RECK: variants seen among roughly 807,000 people sequenced by gnomAD.
RECK encodes the protein reversion inducing cysteine rich protein with kazal motifs.
In RECK, 69 loss-of-function variants were observed where a neutral mutation model predicts 115.1. That is an observed-to-expected ratio of 0.60 (90% CI 0.49 to 0.73). The LOEUF is 0.73. RECK is among the 30% of genes least tolerant of loss of function. RECK has a pLI of 0.00. For missense variants in RECK, 1,047 were observed against 1,203.7 expected, an observed-to-expected ratio of 0.87 and a Z score of 1.93; for synonymous variants, 414 against 419.7, an observed-to-expected ratio of 0.99 and a Z score of 0.17.
At chr9:36,110,935 G>T (rs1439788776) in intron 15 of RECK, among the ~76,000 whole-genome samples, 1 of 152,060 alleles carries the variant, frequency 6.6e-6, no homozygotes, top group Non-Finnish European at 1.5e-5. Flanking sequence ...GTAGAGGTAG[G>T]ACGAACACTA....
chr9:36,104,380 C>G (rs1278372144), intron 12 of RECK, among the ~76,000 whole-genome samples: 2 of 82,938 alleles, frequency 2.4e-5, no homozygotes, highest in African/African-American at 4.5e-5. Context: ...GAATCTTACT[C>G]TGTTGCCCAG....
intron 7 of RECK, among the ~76,000 whole-genome samples, chr9:36,082,001 A>G (rs1453857561): frequency 6.6e-6 from 1 of 152,012 alleles, no homozygotes; most frequent in African/African-American, 2.4e-5. Flanking sequence ...GTCCTAGTTC[A>G]GTTTCTTTGG....
intron 9 of RECK, 108 bp from the exon 10 acceptor site, chr9:36,091,056 T>TC (rs1299426408): frequency 2.6e-5 from 24 of 932,142 alleles, no homozygotes; most frequent in Non-Finnish European, 3.6e-5. Context: ...TTACTTTTTT[T>TC]CTCACATACG....
chr9:36,088,723 T>G (rs1356865646), intron 9 of RECK, among the ~76,000 whole-genome samples: 2 of 152,218 alleles, frequency 1.3e-5, no homozygotes, highest in Admixed American at 1.3e-4. Flanking sequence ...GGCAAATTTT[T>G]TAAAAGACAT....
chr9:36,112,535 C>T (rs533610946), intron 16 of RECK, 59 bp downstream of exon 16: 2 of 1,519,562 alleles, frequency 1.3e-6, no homozygotes, highest in Admixed American at 1.7e-5. Flanking sequence ...AAAGCATCTA[C>T]CATATACCAG....
chr9:36,121,752 G>A, intron 20 of RECK, 64 bp downstream of exon 20: 1 of 1,549,906 alleles, frequency 6.5e-7, no homozygotes, highest in Non-Finnish European at 8.8e-7. Context: ...CTAGGAGGGA[G>A]TGGGCACAAA....
intron 15 of RECK, among the ~76,000 whole-genome samples, chr9:36,110,631 G>C (rs1824004488): frequency 6.6e-6 from 1 of 152,178 alleles, no homozygotes; most frequent in Admixed American, 6.5e-5. Context: ...ATTGCCAATA[G>C]CAACAGCACA....
At chr9:36,119,488 A>T (rs915389360) in intron 18 of RECK, among the ~76,000 whole-genome samples, 4 of 152,196 alleles carry the variant, frequency 2.6e-5, no homozygotes, top group African/African-American at 7.2e-5. Context: ...ACAGTTTTTT[A>T]AAACAGCTTA....
chr9:36,070,581 G>C lies in RECK; in HGVS notation c.405+4957G>C, dbSNP rs113635412. 6.1e-4 allele frequency among the ~76,000 whole-genome samples: 92 copies of C among 151,900 alleles called. 1 individual carries two copies. The highest frequency in any genetic ancestry group is 2.0e-3 in the African/African-American group (84 of 41,456). Reference sequence around the variant, plus strand: ...ACTAGAAAAGAAGGAGCCAGATACTGATCTGAAATTGATCAAAATGGAATG... The same window carrying C: ...ACTAGAAAAGAAGGAGCCAGATACTCATCTGAAATTGATCAAAATGGAATG... On this transcript the variant is annotated intron_variant, in intron 6 of 20. Coordinates refer to ENST00000377966, the MANE Select transcript of RECK (RefSeq NM_021111.3).
chr9:36,064,012 TG>T (rs1821891163), intron 5 of RECK, 132 bp downstream of exon 5: 1 of 716,866 alleles, frequency 1.4e-6, no homozygotes, highest in Non-Finnish European at 2.4e-6. Flanking sequence ...TAGCATTTTT[TG>T]TATAGACCAT....
intron 6 of RECK, among the ~76,000 whole-genome samples, chr9:36,077,379 T>C (rs2132614761): frequency 1.3e-5 from 2 of 152,296 alleles, no homozygotes; most frequent in South Asian, 4.1e-4. Context: ...TCATTATGTG[T>C]ATGTCCTAAG....
chr9:36,038,830 A>G (rs1820766245), intron 1 of RECK, among the ~76,000 whole-genome samples: 1 of 152,102 alleles, frequency 6.6e-6, no homozygotes. Flanking sequence ...AAAAACAAGA[A>G]ACTTTTTTGC....
At position 36,117,336 on chromosome 9, in the gene RECK, C is replaced by G. The variant is rs115790850; in HGVS notation, c.2253+159C>G. Among the ~76,000 whole-genome samples the G allele has an allele frequency of 1.8e-3, 271 of 152,374 alleles. 1 individual carries two copies. The highest frequency in any genetic ancestry group is 6.0e-3 in the African/African-American group (251 of 41,592). On this transcript the variant is annotated intron_variant, in intron 17 of 20. Transcript: ENST00000377966. ...CACTAAAAAGGAAGACTGGCTCCTT[C>G]TCCTAACTCTGGAAGCTATCTTGCT... is the stretch of plus-strand genomic sequence containing the variant.
chr9:36,080,899 G>A (rs1052192870), intron 7 of RECK, among the ~76,000 whole-genome samples: 4 of 152,184 alleles, frequency 2.6e-5, no homozygotes, highest in African/African-American at 7.2e-5. Flanking sequence ...AGCACTTGCC[G>A]AGTGCTACGT....
At chr9:36,092,255 T>C (rs1430305169) in intron 10 of RECK, among the ~76,000 whole-genome samples, 1 of 152,120 alleles carries the variant, frequency 6.6e-6, no homozygotes, top group African/African-American at 2.4e-5. Context: ...AATTGTGGAG[T>C]AGCTTGTATG....
Position 36,109,949 on chromosome 9 carries a change from T to C in RECK, c.1766-8T>C, listed in dbSNP as rs766502521. The stretch of plus-strand genomic sequence containing the variant: ...TATAGATCAACATTTTCTTTCTGTT[T>C]CTGTCAGGTCATGGAACATCCTTTA... On this transcript the variant is annotated splice_region_variant and splice_polypyrimidine_tract_variant and intron_variant, in intron 14 of 20. Transcript: ENST00000377966. 72 of 1,605,796 alleles carry C rather than the reference T, an allele frequency of 4.5e-5. No individual in the cohort carries two copies. The highest frequency in any genetic ancestry group is 6.1e-5 in the Non-Finnish European group (71 of 1,172,730).
At chr9:36,096,028 A>C (rs1823323044) in intron 10 of RECK, among the ~76,000 whole-genome samples, 2 of 147,252 alleles carry the variant, frequency 1.4e-5, no homozygotes, top group Admixed American at 1.4e-4. Flanking sequence ...AGATCACATC[A>C]TTGCACTCCA....
At chr9:36,057,911 A>G (rs1319141030) in intron 2 of RECK, among the ~76,000 whole-genome samples, 1 of 152,060 alleles carries the variant, frequency 6.6e-6, no homozygotes, top group East Asian at 1.9e-4. Flanking sequence ...AATGCTCACC[A>G]TCACTGGCCA....
chr9:36,112,494 T>C lies in RECK; in HGVS notation c.2060+18T>C, dbSNP rs1824093815. On this transcript the variant is annotated intron_variant, in intron 16 of 20. Coordinates refer to ENST00000377966, the MANE Select transcript of RECK (RefSeq NM_021111.3). ...AACCAAAGGTAAGTCAAATGGCTTC[T>C]TATTTTATTCAACTGAAGACTAGTA... 1 of 1,612,110 alleles carries C rather than the reference T, an allele frequency of 6.2e-7. No individual in the cohort carries two copies. Among genetic ancestry groups the C allele is most frequent in the Non-Finnish European group, 8.5e-7 (1 of 1,178,688 alleles).
Sources: allele counts gnomAD v4.1 joint callset (sites outside exome capture counted in the v4.1 genomes callset), GRCh38; gene constraint gnomAD v4.1.1; transcripts MANE v1.5; gene names NCBI Gene and HGNC (gene_info 2026-07-23, HGNC 2026-07-21).